The following PPARGC1A variants were observed in gnomAD, a reference collection of about 807,000 sequenced individuals.
PPARGC1A encodes the protein PPARG coactivator 1 alpha.
PPARGC1A carries 25 observed loss-of-function variants against 88.7 expected under a neutral mutation model. The ratio of observed to expected loss-of-function variants is 0.28; its 90% CI spans 0.21 to 0.39. The LOEUF (loss-of-function observed/expected upper bound fraction) is 0.39. Ranked by LOEUF, PPARGC1A falls within the 10% of genes least tolerant of loss-of-function variation. The pLI is 1.00. For synonymous variants in PPARGC1A, 363 were observed against 355.6 expected (o/e 1.02, Z -0.24); for missense variants, 880 against 968.7 (o/e 0.91, Z 1.22).
intron 2 of PPARGC1A, among the ~76,000 whole-genome samples, chr4:23,875,526 C>T (rs1044861506): frequency 1.3e-5 from 2 of 151,806 alleles, no homozygotes; most frequent in Non-Finnish European, 2.9e-5. Flanking sequence ...TAATCACATA[C>T]ATTCATTTCT....
At chr4:24,036,915 T>C in the PPARGC1A span, among the ~76,000 whole-genome samples, 2 of 152,250 alleles carry the variant, frequency 1.3e-5, no homozygotes, top group African/African-American at 4.8e-5. Context: ...AGGTACTTAC[T>C]GAGCACTATG....
intron 2 of PPARGC1A, among the ~76,000 whole-genome samples, chr4:23,835,359 T>C (rs367723917): frequency 5.3e-5 from 8 of 152,270 alleles, no homozygotes; most frequent in East Asian, 1.9e-4. Flanking sequence ...GATAATGTCA[T>C]AATTAATTTA....
At chr4:23,904,297 T>A (rs1026565388), upstream of PPARGC1A, among the ~76,000 whole-genome samples, 1 of 152,206 alleles carries the variant, frequency 6.6e-6, no homozygotes, top group Non-Finnish European at 1.5e-5. Flanking sequence ...CATCAGCAAT[T>A]GAGACAGGTG....
chr4:24,079,165 TAAGTC>T, the PPARGC1A span, among the ~76,000 whole-genome samples: 3 of 152,050 alleles, frequency 2.0e-5, no homozygotes, highest in Non-Finnish European at 2.9e-5. Flanking sequence ...AGAATAATAT[TAAGTC>T]AAGTATTTTA....
At chr4:24,087,612 C>T in the PPARGC1A span, among the ~76,000 whole-genome samples, 4 of 152,184 alleles carry the variant, frequency 2.6e-5, no homozygotes, top group Non-Finnish European at 4.4e-5. Flanking sequence ...GTAATCACCT[C>T]GGTTTACAAG....
the PPARGC1A span, among the ~76,000 whole-genome samples, chr4:24,038,633 C>T: frequency 2.4e-3 from 367 of 152,222 alleles, 1 homozygote; most frequent in African/African-American, 8.3e-3. Context: ...ATATTTTCTC[C>T]GGGATCCTCA....
In PPARGC1A at chr4:23,898,159, T is replaced by C. The variant is rs373427930; in HGVS notation, n.52+1108A>G. Among the ~76,000 whole-genome samples, 179 of 152,338 alleles carry C rather than the reference T, an allele frequency of 1.2e-3. 1 individual carries two copies. The highest frequency in any genetic ancestry group is 4.1e-3 in the African/African-American group (169 of 41,582). On this transcript the variant is annotated intron_variant and non_coding_transcript_variant, in intron 1 of 3. Transcript: ENST00000507342. ...TATATTTGGTAAAAGACTGTACATA[T>C]TTTTAATTTAGAAGGAATCAGCTGA...
At chr4:23,856,025 C>T (rs1730132174) in intron 2 of PPARGC1A, among the ~76,000 whole-genome samples, 1 of 152,124 alleles carries the variant, frequency 6.6e-6, no homozygotes, top group Non-Finnish European at 1.5e-5. Flanking sequence ...TCACTTGAAA[C>T]CATCTGACAT....
the PPARGC1A span, among the ~76,000 whole-genome samples, chr4:24,063,299 G>A: frequency 6.6e-6 from 1 of 152,134 alleles, no homozygotes; most frequent in South Asian, 2.1e-4. Context: ...GACAAGAGGG[G>A]AATAAAAGTC....
chr4:24,305,133 G>GTATA, the PPARGC1A span, among the ~76,000 whole-genome samples: 8,761 of 142,812 alleles, frequency 0.061, 579 homozygotes, highest in African/African-American at 0.16. Flanking sequence ...ATATGTGTAT[G>GTATA]TATATATATA....
At chr4:24,236,197 G>A in the PPARGC1A span, among the ~76,000 whole-genome samples, 6 of 152,096 alleles carry the variant, frequency 3.9e-5, no homozygotes, top group Admixed American at 2.6e-4. Flanking sequence ...CCAGACTTTC[G>A]GGTCGTATCA....
At chr4:24,265,137 T>G in the PPARGC1A span, among the ~76,000 whole-genome samples, 2 of 152,152 alleles carry the variant, frequency 1.3e-5, no homozygotes, top group African/African-American at 4.8e-5. Context: ...AATGTGGGTT[T>G]GTTAAAAGAA....
At chr4:23,866,931 G>A (rs1412268771) in intron 2 of PPARGC1A, among the ~76,000 whole-genome samples, 2 of 152,176 alleles carry the variant, frequency 1.3e-5, no homozygotes, top group African/African-American at 4.8e-5. Context: ...TTGAACTGCG[G>A]AGTGCAATGT....
At chr4:24,217,810 T>A in the PPARGC1A span, among the ~76,000 whole-genome samples, 3 of 151,258 alleles carry the variant, frequency 2.0e-5, no homozygotes, top group South Asian at 6.3e-4. Flanking sequence ...CATGAAAAAA[T>A]AATAATAATA....
the PPARGC1A span, among the ~76,000 whole-genome samples, chr4:24,312,531 T>C: frequency 6.6e-6 from 1 of 151,032 alleles, no homozygotes; most frequent in African/African-American, 2.4e-5. Flanking sequence ...TTCTTATTTA[T>C]CAGAAAATCA....
At chr4:24,178,292 G>A in the PPARGC1A span, among the ~76,000 whole-genome samples, 2 of 152,158 alleles carry the variant, frequency 1.3e-5, no homozygotes, top group East Asian at 1.9e-4. Flanking sequence ...GGAGATAGAG[G>A]CTATCATTAT....
intron 2 of PPARGC1A, among the ~76,000 whole-genome samples, chr4:23,865,046 A>G (rs867809038): frequency 6.6e-6 from 1 of 152,140 alleles, no homozygotes; most frequent in Non-Finnish European, 1.5e-5. Context: ...TTTGCTGGGC[A>G]TGGTAGTGCT....
the PPARGC1A span, among the ~76,000 whole-genome samples, chr4:24,456,778 G>C: frequency 6.6e-6 from 1 of 151,966 alleles, no homozygotes; most frequent in Non-Finnish European, 1.5e-5. Flanking sequence ...GAGAGGCTAT[G>C]AGGGTATAAC....
chr4:24,263,835 G>A, the PPARGC1A span, among the ~76,000 whole-genome samples: 1 of 152,000 alleles, frequency 6.6e-6, no homozygotes, highest in Non-Finnish European at 1.5e-5. Context: ...CTGCAGCCTC[G>A]ACCTCCAGGA....
Sources: gnomAD v4.1 joint callset for allele counts (sites outside exome capture counted in the v4.1 genomes callset) on GRCh38, gnomAD v4.1.1 for gene constraint, MANE v1.5 for transcripts, NCBI Gene and HGNC (gene_info 2026-07-23, HGNC 2026-07-21) for gene names.